The following MGAM variants were observed in gnomAD, a reference collection of about 807,000 sequenced individuals.
The protein encoded by MGAM is alpha-1,4-glucosidase.
A neutral mutation model predicts 358.8 loss-of-function variants in MGAM; 253 were observed. The observed-to-expected ratio is 0.71, with a 90% CI of 0.64 to 0.78. The LOEUF (loss-of-function observed/expected upper bound fraction) is 0.78, where lower values mean the gene tolerates loss of function less well. Ranked by LOEUF, MGAM falls within the 30% of genes least tolerant of loss-of-function variation. The pLI, the probability that MGAM is intolerant of heterozygous loss-of-function variation, is 0.00. For synonymous variants in MGAM, 1,105 were observed against 1,227.1 expected (o/e 0.90, Z 2.08); for missense variants, 3,080 against 3,432.6 (o/e 0.90, Z 2.57).
At position 142,089,143 on chromosome 7, in the gene MGAM, A is replaced by C. The variant is rs1165968042; in HGVS notation, c.6810+2426A>C. On this transcript the variant is annotated intron_variant, in intron 57 of 70. Coordinates refer to ENST00000475668, the MANE Select transcript of MGAM (RefSeq NM_001365693.1). ...CCCACATGGACACAGGAACCTGCCC[A>C]GCCAGAGAAGTTCTGGGTCATGGGC... 3.3e-4 allele frequency among the ~76,000 whole-genome samples: 48 copies of C among 145,936 alleles called. 3 individuals carry two copies. In the Admixed American group the frequency reaches 3.3e-3, roughly 10 times the overall value.
intron 64 of MGAM, chr7:142,096,066 A>C: frequency 1.7e-6 from 1 of 598,994 alleles, no homozygotes; most frequent in Non-Finnish European, 3.0e-6. Context: ...CCATCCTTGC[A>C]TTTGAAGTTT....
intron 7 of MGAM, among the ~76,000 whole-genome samples, chr7:142,023,182 T>A (rs1806621412): frequency 6.6e-6 from 1 of 152,094 alleles, no homozygotes; most frequent in South Asian, 2.1e-4. Context: ...TACCTCAGTG[T>A]CTGGAGTAGC....
rs761231581 is a variant in MGAM, at chr7:142,082,481, A to G, written c.6178A>G (p.Lys2060Glu). ...TCTCCCCATGACTCTCCAGTACAAG[A>G]AGAATTCCTATGGTGTCCACCCCTA... ...FSRDQPPGYK[K>E]NSYGVHPYYM... Residue 2060 changes from lysine to glutamate, a missense_variant, in exon 52 of 71, where the codon AAG (lysine) becomes GAG (glutamate). Coordinates refer to ENST00000475668, the MANE Select transcript of MGAM (RefSeq NM_001365693.1). 1.1e-5 allele frequency: 17 copies of G among 1,525,752 alleles called. 2 individuals are homozygous for G. In the South Asian group the frequency reaches 2.0e-4, roughly 18 times the overall value. The allele number at this position is 1,525,752 out of a possible 1,614,324, so 94.5% of individuals were successfully genotyped here.
rs1230633864 is a variant in MGAM at position 142,065,746 on chromosome 7, A to G, written c.4685A>G (p.Asp1562Gly). The change falls in exon 40 of 71, where the codon GAC becomes GGC. Residue 1562 changes from aspartate to glycine, a missense_variant. Physicochemically the swap from Asp to Gly is moderately conservative, Grantham distance 94. Around this residue, in one of 5 missense-constraint regions of MGAM, gnomAD observed 134 missense variants for 198.4 expected, o/e 0.68. Transcript: ENST00000475668. ...GCAGATATCTGTGGGTTCTTTCAAG[A>G]CGCTGAGTACGAGATGTGTGTTCGC... ...TGADICGFFQ[D>G]AEYEMCVRWM... 1 of 1,556,528 alleles carries G rather than the reference A, an allele frequency of 6.4e-7. No individual in the cohort carries two copies. Among genetic ancestry groups the G allele is most frequent in the East Asian group, 2.3e-5 (1 of 43,932 alleles).
chr7:142,051,869 C>T (rs917312262), intron 24 of MGAM, among the ~76,000 whole-genome samples: 13 of 151,958 alleles, frequency 8.6e-5, no homozygotes, highest in African/African-American at 3.1e-4. Context: ...GCATGATAAC[C>T]AGGTCATATG....
At chr7:141,987,253 A>G (rs552399443) in intron 2 of MGAM, among the ~76,000 whole-genome samples, 22 of 152,310 alleles carry the variant, frequency 1.4e-4, no homozygotes, top group African/African-American at 5.1e-4. Flanking sequence ...AAATGAAAAG[A>G]ATACTGGCAG....
Position 142,034,653 on chromosome 7 carries a change from ATC to A in MGAM, c.1788-10_1788-9del. The A allele has an allele frequency of 6.2e-7, 1 of 1,609,754 alleles. No individual in the cohort carries two copies. The highest frequency in any genetic ancestry group is 1.7e-5 in the Admixed American group (1 of 59,578). ...CTAAGATCCCACATTGACTCCTTAA[ATC>A]TCTCTCCCTTGCAGAGCTGCCAAGA... On this transcript the variant is annotated splice_polypyrimidine_tract_variant and intron_variant, in intron 15 of 70. Coordinates refer to ENST00000475668, the MANE Select transcript of MGAM (RefSeq NM_001365693.1).
upstream of MGAM, among the ~76,000 whole-genome samples, chr7:141,994,219 C>T (rs1804074823): frequency 6.6e-6 from 1 of 152,150 alleles, no homozygotes. Context: ...GTCTCAGCTC[C>T]ATAAGTTCTT....
chr7:142,013,876 T>A (rs1319972125), intron 3 of MGAM, among the ~76,000 whole-genome samples: 2 of 152,190 alleles, frequency 1.3e-5, no homozygotes, highest in Admixed American at 6.5e-5. Flanking sequence ...GGTTTTCATT[T>A]TACTACTTTC....
rs753708990 is a variant in MGAM at position 142,103,353 on chromosome 7, G to C, written c.8098G>C (p.Val2700Leu). 3 of 1,613,120 alleles carry C rather than the reference G, an allele frequency of 1.9e-6. No homozygotes were observed. The highest frequency in any genetic ancestry group is 2.5e-6 in the Non-Finnish European group (3 of 1,179,450). Residue 2700 changes from valine to leucine, a missense_variant, in exon 70 of 71, where the codon GTG becomes CTG. Val to Leu is a conservative substitution (Grantham distance 32). Transcript: ENST00000475668. ...LKLGYIEIWG[V>L]GSVPVTSVSI... ...ACTGGGCTACATTGAAATCTGGGGA[G>C]TGGGCAGTGTCCCCGTTACCAGTGT...
chr7:141,999,588 G>C (rs1804571750), intron 1 of MGAM, among the ~76,000 whole-genome samples: 1 of 152,106 alleles, frequency 6.6e-6, no homozygotes, highest in African/African-American at 2.4e-5. Context: ...AATGGCATGT[G>C]ACAAATTATG....
At chr7:142,063,273 C>A (rs573157672) in intron 35 of MGAM, among the ~76,000 whole-genome samples, 1 of 152,056 alleles carries the variant, frequency 6.6e-6, no homozygotes, top group Admixed American at 6.6e-5. Context: ...GATTGCCTCA[C>A]AGCCACCCTG....
chr7:142,106,056 C>T lies in MGAM; in HGVS notation c.*165C>T, dbSNP rs1353275109. The T allele has an allele frequency of 3.5e-6, 2 of 575,258 alleles. No individual in the cohort carries two copies. Among genetic ancestry groups the T allele is most frequent in the Admixed American group, 2.9e-5 (1 of 34,320 alleles). 35.6% of individuals were successfully genotyped at this position (575,258 alleles called of 1,614,324 possible). A position where few individuals can be genotyped will look rare whatever the true frequency, so the allele number is the denominator to read the frequency against. On this transcript the variant is annotated 3_prime_UTR_variant, in exon 71 of 71. Coordinates refer to ENST00000475668, the MANE Select transcript of MGAM (RefSeq NM_001365693.1). ...TTTGTGTGAACCCTAAAGGTTAAAC[C>T]TTAGCCCTGTGGGATAGGCAGTTAG...
chr7:142,022,503 A>G (rs1806559139), intron 7 of MGAM, 64 bp downstream of exon 7: 1 of 1,515,410 alleles, frequency 6.6e-7, no homozygotes, highest in Admixed American at 1.8e-5. Context: ...GGTCACCTCT[A>G]GTATTACAGT....
intron 2 of MGAM, among the ~76,000 whole-genome samples, chr7:141,987,394 C>T (rs1283122535): frequency 3.0e-4 from 46 of 152,256 alleles, no homozygotes; most frequent in Admixed American, 2.1e-3. Context: ...AATAACATGC[C>T]GTAATCCCAC....
chr7:142,042,914 A>G (rs1212572943), intron 21 of MGAM, among the ~76,000 whole-genome samples: 3 of 47,980 alleles, frequency 6.3e-5, no homozygotes, highest in Non-Finnish European at 1.1e-4. Flanking sequence ...TCTATATTAT[A>G]TATACATATA....
intron 67 of MGAM, among the ~76,000 whole-genome samples, chr7:142,100,089 G>A (rs955520322): frequency 6.6e-6 from 1 of 152,132 alleles, no homozygotes; most frequent in Non-Finnish European, 1.5e-5. Context: ...CTGAAAAATT[G>A]TTTATTCCTC....
chr7:142,064,805 G>A lies in MGAM; in HGVS notation c.4484+283G>A, dbSNP rs190118822. ...GGAGACACCATAATGGTCACACAGGGCAGCCAGTGGAACAATAGCTTTAGT... is the reference window on the plus strand; with the variant it reads ...GGAGACACCATAATGGTCACACAGGACAGCCAGTGGAACAATAGCTTTAGT... On this transcript the variant is annotated intron_variant, in intron 37 of 70. Transcript: ENST00000475668. Among the ~76,000 whole-genome samples, 3 of 152,282 alleles carry A rather than the reference G, an allele frequency of 2.0e-5. No individual in the cohort carries two copies. In the East Asian group the frequency reaches 5.8e-4, roughly 29 times the overall value.
At position 142,065,987 on chromosome 7, in the gene MGAM, G is replaced by A. The variant is rs191027198; in HGVS notation, c.4770+156G>A. ...TGTTTTGTTTTTTTTTTTGAAACAGGGATTTACTCTGTTGGCCAGGCTGAA... is the reference window on the plus strand; with the variant it reads ...TGTTTTGTTTTTTTTTTTGAAACAGAGATTTACTCTGTTGGCCAGGCTGAA... On this transcript the variant is annotated intron_variant, in intron 40 of 70. Coordinates refer to ENST00000475668, the MANE Select transcript of MGAM (RefSeq NM_001365693.1). 7.9e-5 allele frequency among the ~76,000 whole-genome samples: 11 copies of A among 139,298 alleles called. 1 individual carries two copies. In the East Asian group the frequency reaches 2.3e-3, roughly 29 times the overall value. 91.4% of individuals were successfully genotyped at this position (139,298 alleles called of 152,430 possible). A position where few individuals can be genotyped will look rare whatever the true frequency, so the allele number is the denominator to read the frequency against.
Sources: allele counts gnomAD v4.1 joint callset (sites outside exome capture counted in the v4.1 genomes callset), GRCh38; gene constraint gnomAD v4.1.1; regional missense constraint gnomAD v4.1.1; transcripts MANE v1.5; gene names NCBI Gene and HGNC (gene_info 2026-07-23, HGNC 2026-07-21).